OR51A7: variants seen among roughly 807,000 people sequenced by gnomAD.
OR51A7 encodes olfactory receptor family 51 subfamily A member 7.
For synonymous variants in OR51A7, 143 were observed against 135.5 expected (o/e 1.05, Z -0.38); for missense variants, 409 against 374.5 (o/e 1.09, Z -0.76).
In OR51A7 at chr11:4,907,773, T is replaced by C. The variant is rs1206541465; in HGVS notation, c.404T>C (p.Ile135Thr). Residue 135 changes from isoleucine to threonine, a missense_variant, in exon 2 of 2, where the codon ATC (isoleucine) becomes ACC (threonine). Physicochemically the swap from Ile to Thr is moderately conservative, Grantham distance 89. Coordinates refer to ENST00000641490, the MANE Select transcript of OR51A7 (RefSeq NM_001004749.2). ...AIHNPLRYSSILTSNRVAKMG... is the reference protein window; with the variant it reads ...AIHNPLRYSSTLTSNRVAKMG... ...CACAATCCCTTAAGATACAGTTCTA[T>C]CCTCACTAGCAACAGGGTTGCTAAA... 8.7e-6 allele frequency: 14 copies of C among 1,614,098 alleles called. No individual in the cohort carries two copies. Among genetic ancestry groups the C allele is most frequent in the Non-Finnish European group, 1.2e-5 (14 of 1,180,026 alleles).
intron 1 of OR51A7, among the ~76,000 whole-genome samples, chr11:4,905,952 T>A (rs1453080853): frequency 6.6e-6 from 1 of 152,200 alleles, no homozygotes; most frequent in Non-Finnish European, 1.5e-5. Context: ...GTTTGGATTT[T>A]TTTCATTTAG....
chr11:4,908,532 T>C lies in OR51A7; in HGVS notation c.*224T>C, dbSNP rs941057930. On this transcript the variant is annotated 3_prime_UTR_variant, in exon 2 of 2. Transcript: ENST00000641490. The stretch of plus-strand genomic sequence containing the variant: ...GTTTAATTAACATTTTAAGGGAAGT[T>C]GAAGGAAAATACTTCTGTGATGGAG... The C allele has an allele frequency of 9.0e-6, 5 of 557,722 alleles. No individual in the cohort carries two copies. Among genetic ancestry groups the C allele is most frequent in the African/African-American group, 1.9e-5 (1 of 53,188 alleles). The allele number at this position is 557,722 out of a possible 1,614,324, so 34.5% of individuals were successfully genotyped here. A position where few individuals can be genotyped will look rare whatever the true frequency, so the allele number is the denominator to read the frequency against.
At chr11:4,906,965 G>T (rs1170968889) in intron 1 of OR51A7, among the ~76,000 whole-genome samples, 1 of 151,502 alleles carries the variant, frequency 6.6e-6, no homozygotes, top group Non-Finnish European at 1.5e-5. Flanking sequence ...TGGTGGTGGT[G>T]CACACCTGTA....
At position 4,908,435 on chromosome 11, in the gene OR51A7, A is replaced by G. The variant is rs917291991; in HGVS notation, c.*127A>G. The G allele has an allele frequency of 5.1e-6, 4 of 789,094 alleles. No homozygotes were observed. In the African/African-American group the frequency reaches 6.9e-5, roughly 14 times the overall value. The allele number at this position is 789,094 out of a possible 1,614,324, so 48.9% of individuals were successfully genotyped here. On this transcript the variant is annotated 3_prime_UTR_variant, in exon 2 of 2. Transcript: ENST00000641490. ...GGAAGTGAAAAGCTATGTAGTGCAG[A>G]ATTTATAATAAAGTTGAGAATATAA... is the stretch of plus-strand genomic sequence containing the variant.
In OR51A7 at chr11:4,907,542, C is replaced by T. The variant is rs1490988871; in HGVS notation, c.173C>T (p.Pro58Leu). The T allele has an allele frequency of 1.2e-6, 2 of 1,613,960 alleles. No homozygotes were observed. The highest frequency in any genetic ancestry group is 2.2e-5 in the South Asian group (2 of 91,086). The change falls in exon 2 of 2, where the codon CCC becomes CTC. Residue 58 changes from proline (P) to leucine (L), a missense_variant. Physicochemically the swap from Pro to Leu is moderately conservative, Grantham distance 98 (BLOSUM62 -3). Coordinates refer to ENST00000641490, the MANE Select transcript of OR51A7 (RefSeq NM_001004749.2). ...IIKTEPSLHE[P>L]MYYFLAMLAV... Reference sequence around the variant, plus strand: ...AAGACAGAGCCCTCGCTTCATGAGCCCATGTATTATTTCCTTGCCATGTTG... The same window carrying T: ...AAGACAGAGCCCTCGCTTCATGAGCTCATGTATTATTTCCTTGCCATGTTG...
Position 4,908,179 on chromosome 11 carries a change from T to A in OR51A7, c.810T>A (p.Leu270=). 1 of 1,614,196 alleles carries A rather than the reference T, an allele frequency of 6.2e-7. No homozygotes were observed. Among genetic ancestry groups the A allele is most frequent in the Admixed American group, 1.7e-5 (1 of 60,014 alleles). The part of the protein sequence containing the change: ...MHHFAKHKSP[L]VVILIADMFL... ...ACTTTGCCAAGCACAAAAGCCCTCT[T>A]GTTGTGATCCTTATTGCAGATATGT... The change falls in exon 2 of 2, where the codon CTT becomes CTA. Residue 270 remains leucine (L), a synonymous_variant. Transcript: ENST00000641490.
Position 4,908,498 on chromosome 11 carries a change from G to A in OR51A7, c.*190G>A, listed in dbSNP as rs534071955. The A allele has an allele frequency of 2.2e-4, 137 of 612,382 alleles. No individual in the cohort carries two copies. The African/African-American group carries it at 2.4e-3, about 11-fold the overall frequency. The allele number at this position is 612,382 out of a possible 1,614,324, so 37.9% of individuals were successfully genotyped here. A position where few individuals can be genotyped will look rare whatever the true frequency, so the allele number is the denominator to read the frequency against. ...GAAAAAAAAGTCAAGAGATATATAAGATATAGAGGTTTAATTAACATTTTA... is the reference window on the plus strand; with the variant it reads ...GAAAAAAAAGTCAAGAGATATATAAAATATAGAGGTTTAATTAACATTTTA... On this transcript the variant is annotated 3_prime_UTR_variant, in exon 2 of 2. Transcript: ENST00000641490.
Position 4,907,406 on chromosome 11 carries a change from C to T in OR51A7, c.37C>T (p.Leu13Phe), listed in dbSNP as rs779542879. 2 of 1,613,842 alleles carry T rather than the reference C, an allele frequency of 1.2e-6. No individual in the cohort carries two copies. The highest frequency in any genetic ancestry group is 1.7e-6 in the Non-Finnish European group (2 of 1,179,934). Residue 13 changes from leucine (L) to phenylalanine (F), a missense_variant, in exon 2 of 2, where the codon CTT becomes TTT. Physicochemically the swap from Leu to Phe is conservative, Grantham distance 22 (BLOSUM62 0). Transcript: ENST00000641490. Reference sequence around the variant, plus strand: ...CAATAACTCCGAAGTCAAGCTTTTCCTTCTGATTGGGATCCCAGGACTGGA... The same window carrying T: ...CAATAACTCCGAAGTCAAGCTTTTCTTTCTGATTGGGATCCCAGGACTGGA... Reference protein sequence around the residue: ...VLNNSEVKLFLLIGIPGLEHA... With the variant: ...VLNNSEVKLFFLIGIPGLEHA...
intron 1 of OR51A7, among the ~76,000 whole-genome samples, chr11:4,906,483 CAT>C (rs1314174451): frequency 1.3e-5 from 2 of 152,124 alleles, no homozygotes; most frequent in Non-Finnish European, 2.9e-5. Flanking sequence ...CTTGATGTAA[CAT>C]GTATATTTAC....
rs2133566384 is a variant in OR51A7, at chr11:4,907,856, T to A, written c.487T>A (p.Leu163Ile). 5 of 1,613,916 alleles carry A rather than the reference T, an allele frequency of 3.1e-6. No homozygotes were observed. In the Middle Eastern group the frequency reaches 6.6e-4, roughly 213 times the overall value. ...ILLVIPFPFT[L>I]RRLKYCQKNL... ...CTTAGTGATTCCATTTCCCTTCACC[T>A]TAAGGAGATTAAAATATTGTCAAAA... is the stretch of plus-strand genomic sequence containing the variant. The change falls in exon 2 of 2, where the codon TTA becomes ATA. Residue 163 changes from leucine (L) to isoleucine (I), a missense_variant. Transcript: ENST00000641490.
Position 4,909,040 on chromosome 11 carries a change from T to C in OR51A7, c.*732T>C, listed in dbSNP as rs962487487. 2.0e-5 allele frequency: 3 copies of C among 152,164 alleles called. No homozygotes were observed. The highest frequency in any genetic ancestry group is 4.4e-5 in the Non-Finnish European group (3 of 68,028). The allele number at this position is 152,164 out of a possible 1,614,324, so 9.4% of individuals were successfully genotyped here. A position where few individuals can be genotyped will look rare whatever the true frequency, so the allele number is the denominator to read the frequency against. ...TGTTATAAAACCAACATGTAAATTATGGAAAATTCACAAATTTAACTAAGT... is the reference window on the plus strand; with the variant it reads ...TGTTATAAAACCAACATGTAAATTACGGAAAATTCACAAATTTAACTAAGT... On this transcript the variant is annotated 3_prime_UTR_variant, in exon 2 of 2. Transcript: ENST00000641490.
chr11:4,904,963 G>A (rs10742412), intron 1 of OR51A7, among the ~76,000 whole-genome samples: 1 of 151,928 alleles, frequency 6.6e-6, no homozygotes, highest in Non-Finnish European at 1.5e-5. Context: ...GTAGGGTAGG[G>A]TTACATGAAA....
chr11:4,907,266 G>A (rs146225213), intron 1 of OR51A7, 73 bp from the exon 2 acceptor site: 10,950 of 698,658 alleles, frequency 0.016, 143 homozygotes, highest in Non-Finnish European at 0.021. Flanking sequence ...TATAGTATAC[G>A]AATGAACCCC....
rs201864726 is a variant in OR51A7 at position 4,907,830 on chromosome 11, T to C, written c.461T>C (p.Leu154Pro). The C allele has an allele frequency of 2.9e-4, 471 of 1,613,734 alleles. No homozygotes were observed. The highest frequency in any genetic ancestry group is 3.4e-4 in the Non-Finnish European group (406 of 1,179,860). The change falls in exon 2 of 2, where the codon CTC (leucine) becomes CCC (proline). Residue 154 changes from leucine to proline, a missense_variant. Physicochemically the swap from Leu to Pro is moderately conservative, Grantham distance 98. Coordinates refer to ENST00000641490, the MANE Select transcript of OR51A7 (RefSeq NM_001004749.2). ...CTTATTTTAGCCATTAGGAGCATTC[T>C]CTTAGTGATTCCATTTCCCTTCACC... ...MGLILAIRSILLVIPFPFTLR... is the reference protein window; with the variant it reads ...MGLILAIRSIPLVIPFPFTLR...
Position 4,907,864 on chromosome 11 carries a change from AT to A in OR51A7, c.497del (p.Leu166Ter), listed in dbSNP as rs1385111546. The stretch of plus-strand genomic sequence containing the variant: ...TTCCATTTCCCTTCACCTTAAGGAG[AT>A]TAAAATATTGTCAAAAGAATCTTCT... ...VIPFPFTLRR[L>X]KYCQKNLLSH... is the part of the protein sequence containing the mutation. On this transcript the variant is annotated frameshift_variant, in exon 2 of 2. Coordinates refer to ENST00000641490, the MANE Select transcript of OR51A7 (RefSeq NM_001004749.2). LOFTEE classifies it low-confidence loss of function (END_TRUNC). 6.2e-7 allele frequency: 1 copy of A among 1,613,874 alleles called. No homozygotes were observed. The highest frequency in any genetic ancestry group is 1.3e-5 in the African/African-American group (1 of 75,024).
At chr11:4,906,816 T>C (rs1345441139) in intron 1 of OR51A7, among the ~76,000 whole-genome samples, 1 of 152,098 alleles carries the variant, frequency 6.6e-6, no homozygotes, top group Non-Finnish European at 1.5e-5. Context: ...TAGGGCCAGA[T>C]GCAGTGGCTC....
chr11:4,907,516 A>G lies in OR51A7; in HGVS notation c.147A>G (p.Ile49Met), dbSNP rs765818356. The G allele has an allele frequency of 1.2e-6, 2 of 1,613,988 alleles. No homozygotes were observed. Among genetic ancestry groups the G allele is most frequent in the South Asian group, 1.1e-5 (1 of 91,072 alleles). The change falls in exon 2 of 2, where the codon ATA becomes ATG. Residue 49 changes from isoleucine (I) to methionine (M), a missense_variant. Ile to Met is a conservative substitution (Grantham distance 10, BLOSUM62 1). Coordinates refer to ENST00000641490, the MANE Select transcript of OR51A7 (RefSeq NM_001004749.2). ...GCAACTGCACCATTCTCTTTATTAT[A>G]AAGACAGAGCCCTCGCTTCATGAGC... is the stretch of plus-strand genomic sequence containing the variant. ...IMGNCTILFI[I>M]KTEPSLHEPM...
Position 4,908,218 on chromosome 11 carries a change from G to A in OR51A7, c.849G>A (p.Pro283=), listed in dbSNP as rs7119629. The A allele has an allele frequency of 6.4e-3, 10,313 of 1,614,022 alleles. 78 individuals are homozygous for A. Among genetic ancestry groups the A allele is most frequent in the African/African-American group, 0.036 (2,699 of 75,020 alleles). The change falls in exon 2 of 2, where the codon CCG becomes CCA. Residue 283 remains proline (P), a synonymous_variant. Coordinates refer to ENST00000641490, the MANE Select transcript of OR51A7 (RefSeq NM_001004749.2). ...ILIADMFLLV[P]PLMNPIVYCV... ...TTGCAGATATGTTCTTGTTGGTGCCGCCCCTTATGAACCCCATTGTGTACT... is the reference window on the plus strand; with the variant it reads ...TTGCAGATATGTTCTTGTTGGTGCCACCCCTTATGAACCCCATTGTGTACT...
rs1011170989 is a variant in OR51A7 at position 4,908,896 on chromosome 11, A to G, written c.*588A>G. ...GAGCGTGCCTGTAAACATGGATTGAATTTGGGAGAGATGAGGAAGGAAGAT... is the reference window on the plus strand; with the variant it reads ...GAGCGTGCCTGTAAACATGGATTGAGTTTGGGAGAGATGAGGAAGGAAGAT... On this transcript the variant is annotated 3_prime_UTR_variant, in exon 2 of 2. Coordinates refer to ENST00000641490, the MANE Select transcript of OR51A7 (RefSeq NM_001004749.2). 1.3e-5 allele frequency: 2 copies of G among 157,288 alleles called. No individual in the cohort carries two copies. The highest frequency in any genetic ancestry group is 4.8e-5 in the African/African-American group (2 of 41,460). The allele number at this position is 157,288 out of a possible 1,614,324, so 9.7% of individuals were successfully genotyped here. A position where few individuals can be genotyped will look rare whatever the true frequency, so the allele number is the denominator to read the frequency against.
Sources: allele counts gnomAD v4.1 joint callset (sites outside exome capture counted in the v4.1 genomes callset), GRCh38; gene constraint gnomAD v4.1.1; transcripts MANE v1.5; gene names NCBI Gene and HGNC (gene_info 2026-07-23, HGNC 2026-07-21).